The following DERA variants were observed in gnomAD, a reference collection of about 807,000 sequenced individuals.
DERA encodes the protein 2-deoxy-D-ribose 5-phosphate aldolase.
In DERA, 15 loss-of-function variants were observed where a neutral mutation model predicts 41.1. That is an observed-to-expected ratio of 0.37 (90% CI 0.24 to 0.56). The LOEUF (loss-of-function observed/expected upper bound fraction) is 0.56. DERA is among the 20% of genes least tolerant of loss of function. The pLI is 0.81. For synonymous variants in DERA, 139 were observed against 137.4 expected, an observed-to-expected ratio of 1.01 and a Z score of -0.08; for missense variants, 396 against 403.4, an observed-to-expected ratio of 0.98 and a Z score of 0.16.
intron 1 of DERA, among the ~76,000 whole-genome samples, chr12:15,945,440 C>T (rs548301678): frequency 6.6e-6 from 1 of 152,124 alleles, no homozygotes; most frequent in Non-Finnish European, 1.5e-5. Flanking sequence ...TGAAGAGGTC[C>T]TTCACATCCC....
rs2136123211 is a variant in DERA, at chr12:15,918,522, T to A, written c.31+7108T>A. Among the ~76,000 whole-genome samples the A allele has an allele frequency of 6.6e-6, 1 of 152,246 alleles. No homozygotes were observed. The highest frequency in any genetic ancestry group is 1.5e-5 in the Non-Finnish European group (1 of 68,012). On this transcript the variant is annotated intron_variant, in intron 1 of 8. Coordinates refer to ENST00000428559, the MANE Select transcript of DERA (RefSeq NM_015954.4). The surrounding 1 kb of genome is among the most constrained non-coding windows in gnomAD (Gnocchi z 4.3). ...CCACCCCAACGGTTTAGGACAATCGTTTGGGAAGGGGAAGGGGGCCAGAAT... is the reference window on the plus strand; with the variant it reads ...CCACCCCAACGGTTTAGGACAATCGATTGGGAAGGGGAAGGGGGCCAGAAT...
At chr12:15,958,425 A>G (rs1948557634) in intron 3 of DERA, 90 bp downstream of exon 3, 1 of 949,490 alleles carries the variant, frequency 1.1e-6, no homozygotes, top group Non-Finnish European at 1.5e-6. Flanking sequence ...GCTGCTAATG[A>G]TAGCGGTGAT....
intron 1 of DERA, among the ~76,000 whole-genome samples, chr12:15,946,380 G>C (rs1437623971): frequency 1.3e-5 from 2 of 152,016 alleles, no homozygotes; most frequent in Admixed American, 6.6e-5. Flanking sequence ...GGTTGGTAAG[G>C]TATTGATTAT....
At position 15,990,307 on chromosome 12, in the gene DERA, C is replaced by G. The variant is rs1948793182; in HGVS notation, c.637+7871C>G. Among the ~76,000 whole-genome samples, 1 of 152,110 alleles carries G rather than the reference C, an allele frequency of 6.6e-6. No individual in the cohort carries two copies. The highest frequency in any genetic ancestry group is 1.5e-5 in the Non-Finnish European group (1 of 68,026). Reference sequence around the variant, plus strand: ...TCAATGAATCTTATATTTGAACTTACTTTGCTAACACTTGCCTCTGTATTC... The same window carrying G: ...TCAATGAATCTTATATTTGAACTTAGTTTGCTAACACTTGCCTCTGTATTC... On this transcript the variant is annotated intron_variant, in intron 6 of 8. Transcript: ENST00000428559. This position sits in a 1 kb window ranked among gnomAD's most constrained non-coding sequence, Gnocchi z 4.3.
rs997324618 is a variant in DERA at position 15,956,766 on chromosome 12, G to A, written c.32-170G>A. ...CATGAAGTATGCCTTTTGTTGACTG[G>A]TCTTCCATCAATAAGGTTGTTTATT... On this transcript the variant is annotated intron_variant, in intron 1 of 8. Coordinates refer to ENST00000428559, the MANE Select transcript of DERA (RefSeq NM_015954.4). 5 of 707,172 alleles carry A rather than the reference G, an allele frequency of 7.1e-6. No individual in the cohort carries two copies. The South Asian group carries it at 7.1e-5, about 10-fold the overall frequency. 43.8% of individuals were successfully genotyped at this position (707,172 alleles called of 1,614,324 possible).
intron 6 of DERA, among the ~76,000 whole-genome samples, chr12:16,005,876 A>G (rs754985272): frequency 1.3e-5 from 2 of 152,230 alleles, no homozygotes; most frequent in African/African-American, 2.4e-5. Flanking sequence ...TAAGCAGACA[A>G]GATTACTATG....
Position 15,988,463 on chromosome 12 carries a change from C to T in DERA, c.637+6027C>T, listed in dbSNP as rs1296944482. ...GTCCAGCTCTCAGTAGAGAGGAGAC[C>T]TGTAGTGGGTAGCTCCTTTTTGCAG... On this transcript the variant is annotated intron_variant, in intron 6 of 8. Transcript: ENST00000428559. This position sits in a 1 kb window ranked among gnomAD's most constrained non-coding sequence, Gnocchi z 6.0. Among the ~76,000 whole-genome samples, 3 of 152,150 alleles carry T rather than the reference C, an allele frequency of 2.0e-5. No homozygotes were observed. The highest frequency in any genetic ancestry group is 7.2e-5 in the African/African-American group (3 of 41,434).
chr12:15,931,904 A>G lies in DERA; in HGVS notation c.31+20490A>G, dbSNP rs1948330767. Reference sequence around the variant, plus strand: ...AGGAAGATCTTGTGAGTTTTTTTGCACATACCTGCTACCTTTCACGTGTCC... The same window carrying G: ...AGGAAGATCTTGTGAGTTTTTTTGCGCATACCTGCTACCTTTCACGTGTCC... On this transcript the variant is annotated intron_variant, in intron 1 of 8. Transcript: ENST00000428559. The surrounding 1 kb of genome is among the most constrained non-coding windows in gnomAD (Gnocchi z 4.6). Among the ~76,000 whole-genome samples, 1 of 152,092 alleles carries G rather than the reference A, an allele frequency of 6.6e-6. No individual in the cohort carries two copies. The highest frequency in any genetic ancestry group is 2.4e-5 in the African/African-American group (1 of 41,408).
Position 15,994,746 on chromosome 12 carries a change from C to G in DERA, c.637+12310C>G, listed in dbSNP as rs1400033321. On this transcript the variant is annotated intron_variant, in intron 6 of 8. Coordinates refer to ENST00000428559, the MANE Select transcript of DERA (RefSeq NM_015954.4). The surrounding 1 kb of genome is among the most constrained non-coding windows in gnomAD (Gnocchi z 4.8). ...GGGATTACAGGCGTGAGCCACCGCG[C>G]CTGGCCAGAAAATTCTTAAAATGGT... is the stretch of plus-strand genomic sequence containing the variant. Among the ~76,000 whole-genome samples the G allele has an allele frequency of 6.6e-6, 1 of 152,176 alleles. No individual in the cohort carries two copies. Among genetic ancestry groups the G allele is most frequent in the East Asian group, 1.9e-4 (1 of 5,196 alleles).
At chr12:15,969,452 G>C (rs1235375418) in intron 5 of DERA, among the ~76,000 whole-genome samples, 2 of 152,156 alleles carry the variant, frequency 1.3e-5, no homozygotes, top group African/African-American at 2.4e-5. Flanking sequence ...TAGTTCCAAA[G>C]GTGGCTAGGA....
At position 16,011,662 on chromosome 12, in the gene DERA, A is replaced by G. The variant is rs976567974; in HGVS notation, c.638-20880A>G. Among the ~76,000 whole-genome samples, 1 of 152,230 alleles carries G rather than the reference A, an allele frequency of 6.6e-6. No homozygotes were observed. The highest frequency in any genetic ancestry group is 1.5e-5 in the Non-Finnish European group (1 of 68,038). ...ACTAATCAATGAAAGGCATTTGCCT[A>G]ACATAGCAAATCCCTTCATCAATAA... is the stretch of plus-strand genomic sequence containing the variant. On this transcript the variant is annotated intron_variant, in intron 6 of 8. Transcript: ENST00000428559. The surrounding 1 kb of genome is among the most constrained non-coding windows in gnomAD (Gnocchi z 4.7).
rs747978706 is a variant in DERA, at chr12:15,918,572, A to C, written c.31+7158A>C. ...TAATTTGTTTTTTTTAATTTTTAAA[A>C]TGTAAATATATAAGAATATTTTAAA... On this transcript the variant is annotated intron_variant, in intron 1 of 8. Coordinates refer to ENST00000428559, the MANE Select transcript of DERA (RefSeq NM_015954.4). This position sits in a 1 kb window ranked among gnomAD's most constrained non-coding sequence, Gnocchi z 4.3. Among the ~76,000 whole-genome samples, 1 of 152,208 alleles carries C rather than the reference A, an allele frequency of 6.6e-6. No individual in the cohort carries two copies. Among genetic ancestry groups the C allele is most frequent in the African/African-American group, 2.4e-5 (1 of 41,452 alleles).
chr12:16,023,368 T>C (rs2136185778), intron 6 of DERA, among the ~76,000 whole-genome samples: 1 of 151,976 alleles, frequency 6.6e-6, no homozygotes, highest in Non-Finnish European at 1.5e-5. Flanking sequence ...CATAAAACCT[T>C]ACACCAAAGG....
chr12:16,031,791 A>G (rs1949093956), intron 6 of DERA, among the ~76,000 whole-genome samples: 1 of 152,214 alleles, frequency 6.6e-6, no homozygotes, highest in Non-Finnish European at 1.5e-5. Flanking sequence ...CTTTAAAAGT[A>G]GAGATCGTAT....
chr12:15,974,421 T>G (rs1948684223), intron 5 of DERA, among the ~76,000 whole-genome samples: 1 of 152,220 alleles, frequency 6.6e-6, no homozygotes, highest in African/African-American at 2.4e-5. Context: ...CCTGTTGTTT[T>G]GTAAAATATA....
intron 1 of DERA, among the ~76,000 whole-genome samples, chr12:15,923,623 C>T (rs1449115312): frequency 6.6e-6 from 1 of 151,774 alleles, no homozygotes; most frequent in Non-Finnish European, 1.5e-5. Context: ...TATACCTTGA[C>T]TTAAAAATTC....
At position 15,976,219 on chromosome 12, in the gene DERA, A is replaced by G. The variant is rs1371881042; in HGVS notation, c.509-6089A>G. On this transcript the variant is annotated intron_variant, in intron 5 of 8. Transcript: ENST00000428559. The surrounding 1 kb of genome is among the most constrained non-coding windows in gnomAD (Gnocchi z 4.1). ...AGATATCTTGCTCCCATTATCCATT[A>G]TCTTCAGTATATTCATCTTTTTTAT... Among the ~76,000 whole-genome samples, 1 of 152,048 alleles carries G rather than the reference A, an allele frequency of 6.6e-6. No individual in the cohort carries two copies. Among genetic ancestry groups the G allele is most frequent in the Non-Finnish European group, 1.5e-5 (1 of 68,024 alleles).
rs1252565617 is a variant in DERA at position 16,003,667 on chromosome 12, G to T, written c.637+21231G>T. Among the ~76,000 whole-genome samples the T allele has an allele frequency of 6.6e-6, 1 of 152,130 alleles. No homozygotes were observed. The highest frequency in any genetic ancestry group is 1.5e-5 in the Non-Finnish European group (1 of 68,022). On this transcript the variant is annotated intron_variant, in intron 6 of 8. Coordinates refer to ENST00000428559, the MANE Select transcript of DERA (RefSeq NM_015954.4). This position sits in a 1 kb window ranked among gnomAD's most constrained non-coding sequence, Gnocchi z 4.8. The stretch of plus-strand genomic sequence containing the variant: ...TGATGTAAGAAAAACAGGTGAGTTT[G>T]CATTTGTTGGGGGAGCGCCAGGAAA...
At chr12:15,948,827 GT>G (rs1225101341) in intron 1 of DERA, among the ~76,000 whole-genome samples, 5 of 152,116 alleles carry the variant, frequency 3.3e-5, no homozygotes, top group Admixed American at 3.3e-4. Flanking sequence ...CATCTTTGTG[GT>G]TTCATCTACC....
Sources: allele counts gnomAD v4.1 joint callset (sites outside exome capture counted in the v4.1 genomes callset), GRCh38; gene constraint gnomAD v4.1.1; non-coding constraint Gnocchi (gnomAD v3.1); transcripts MANE v1.5; gene names NCBI Gene and HGNC (gene_info 2026-07-23, HGNC 2026-07-21).